The following POM121C variants were observed in gnomAD, a reference collection of about 807,000 sequenced individuals.
POM121C encodes nuclear envelope pore membrane protein POM 121C.
In POM121C, 20 loss-of-function variants were observed where a neutral mutation model predicts 66.4. The observed-to-expected ratio is 0.30, with a 90% CI of 0.21 to 0.44. The LOEUF is 0.44. POM121C is among the 20% of genes least tolerant of loss of function. The pLI, the probability that POM121C is intolerant of heterozygous loss-of-function variation, is 1.00. For synonymous variants in POM121C, 286 were observed against 528.0 expected (o/e 0.54, Z 6.28); for missense variants, 580 against 1,225.7 (o/e 0.47, Z 7.87).
chr7:75,417,189 G>A lies in POM121C; in HGVS notation c.*1607C>T. 1.0e-6 allele frequency: 1 copy of A among 970,652 alleles called. No individual in the cohort carries two copies. Among genetic ancestry groups the A allele is most frequent in the Non-Finnish European group, 1.2e-6 (1 of 813,036 alleles). 60.1% of individuals were successfully genotyped at this position (970,652 alleles called of 1,614,324 possible). A position where few individuals can be genotyped will look rare whatever the true frequency, so the allele number is the denominator to read the frequency against. ...CGCCCTCAGTCACAACGGGGAGGGG[G>A]CACCGGTTACATCTACATCACATTA... On this transcript the variant is annotated 3_prime_UTR_variant, in exon 15 of 15. Coordinates refer to ENST00000615331, the MANE Select transcript of POM121C (RefSeq NM_001099415.3).
At chr7:75,443,938 C>CAAAAAAAAA (rs1186150939) in intron 3 of POM121C, among the ~76,000 whole-genome samples, 2 of 30,156 alleles carry the variant, frequency 6.6e-5, no homozygotes, top group Non-Finnish European at 1.5e-4. Flanking sequence ...GAGTCCATCT[C>CAAAAAAAAA]AAAAAAAAAA....
Position 75,437,555 on chromosome 7 carries a change from G to A in POM121C, c.440C>T (p.Ala147Val). The A allele has an allele frequency of 6.2e-7, 1 of 1,613,946 alleles. No homozygotes were observed. Among genetic ancestry groups the A allele is most frequent in the Non-Finnish European group, 8.5e-7 (1 of 1,179,842 alleles). ...AGTGGAGCTGTAGGAACTGGTAATG[G>A]CATTGCGGCTGGAGCTAGGGATGCC... is the stretch of plus-strand genomic sequence containing the variant. The part of the protein sequence containing the change: ...TSGIPSSSRN[A>V]ITSSYSSTRG... Residue 147 changes from alanine (A) to valine (V), a missense_variant, in exon 7 of 15, where the codon GCC (alanine) becomes GTC (valine). Physicochemically the swap from Ala to Val is moderately conservative, Grantham distance 64 (BLOSUM62 0). Coordinates refer to ENST00000615331, the MANE Select transcript of POM121C (RefSeq NM_001099415.3).
intron 7 of POM121C, among the ~76,000 whole-genome samples, chr7:75,434,976 G>A (rs1554472901): frequency 6.6e-6 from 1 of 152,164 alleles, no homozygotes; most frequent in East Asian, 1.9e-4. Flanking sequence ...ATTCAATACT[G>A]AGGGGAATGC....
intron 5 of POM121C, 85 bp downstream of exon 5, chr7:75,440,869 C>T (rs1431829755): frequency 7.3e-5 from 118 of 1,609,514 alleles, no homozygotes; most frequent in Non-Finnish European, 9.2e-5. Flanking sequence ...TGGACGTGGC[C>T]TCTGTATCTT....
At position 75,437,770 on chromosome 7, in the gene POM121C, A is replaced by G. The variant is rs1584668800; in HGVS notation, c.309-84T>C. ...ATCCACGGTCATGACATCTTTCTTA[A>G]TAACATGAAGGGAAGAGAATAATGC... On this transcript the variant is annotated intron_variant, in intron 6 of 14. Coordinates refer to ENST00000615331, the MANE Select transcript of POM121C (RefSeq NM_001099415.3). The G allele has an allele frequency of 1.8e-5, 27 of 1,482,624 alleles. No individual in the cohort carries two copies. In the East Asian group the frequency reaches 4.4e-4, roughly 24 times the overall value. 91.8% of individuals were successfully genotyped at this position (1,482,624 alleles called of 1,614,324 possible).
chr7:75,421,500 C>T lies in POM121C; in HGVS notation c.2743+9G>A, dbSNP rs1554470612. The T allele has an allele frequency of 7.4e-6, 12 of 1,611,126 alleles. No homozygotes were observed. The highest frequency in any genetic ancestry group is 1.0e-5 in the Non-Finnish European group (12 of 1,179,654). ...CGGCCCGGTAGCCCAAGTCCACGCCCCTCCTTACCTCCAAACACAGGTTTG... is the reference window on the plus strand; with the variant it reads ...CGGCCCGGTAGCCCAAGTCCACGCCTCTCCTTACCTCCAAACACAGGTTTG... On this transcript the variant is annotated intron_variant, in intron 13 of 14. Coordinates refer to ENST00000615331, the MANE Select transcript of POM121C (RefSeq NM_001099415.3).
chr7:75,447,282 A>C (rs1249154269), intron 3 of POM121C, among the ~76,000 whole-genome samples: 8 of 151,954 alleles, frequency 5.3e-5, no homozygotes, highest in East Asian at 1.9e-4. Context: ...AATAATGGCC[A>C]AAAATTTTCC....
intron 1 of POM121C, among the ~76,000 whole-genome samples, chr7:75,475,551 C>A (rs1204404815): frequency 3.3e-5 from 5 of 150,354 alleles, no homozygotes; most frequent in Admixed American, 3.3e-4. Context: ...TGCTGCCAGG[C>A]CCTCCCCTTC....
At chr7:75,481,246 C>G (rs1380618922) in intron 1 of POM121C, among the ~76,000 whole-genome samples, 2 of 150,570 alleles carry the variant, frequency 1.3e-5, no homozygotes, top group African/African-American at 4.9e-5. Flanking sequence ...TATATATTTG[C>G]TATCAAACAT....
At chr7:75,449,910 A>G (rs1298796549) in intron 3 of POM121C, among the ~76,000 whole-genome samples, 5 of 151,752 alleles carry the variant, frequency 3.3e-5, no homozygotes, top group African/African-American at 9.7e-5. Flanking sequence ...AGCTATTAGG[A>G]AGGCTGAGGC....
intron 6 of POM121C, among the ~76,000 whole-genome samples, chr7:75,438,316 C>A (rs782498297): frequency 6.6e-6 from 1 of 152,172 alleles, no homozygotes; most frequent in African/African-American, 2.4e-5. Context: ...CTTTCACCCA[C>A]GGATCCTATT....
intron 3 of POM121C, among the ~76,000 whole-genome samples, chr7:75,463,419 A>G (rs1269516384): frequency 6.6e-6 from 1 of 151,632 alleles, no homozygotes; most frequent in Admixed American, 6.6e-5. Context: ...CACAGTGGCA[A>G]TCCACAAAGA....
At position 75,473,009 on chromosome 7, in the gene POM121C, C is replaced by T. The variant is rs587768137; in HGVS notation, c.-152+1695G>A. The stretch of plus-strand genomic sequence containing the variant: ...TGTCAAAAGAAACAGAATGTGCTGA[C>T]GATCTGCAAGGCATTTCACAGAAGA... On this transcript the variant is annotated intron_variant, in intron 3 of 14. Coordinates refer to ENST00000615331, the MANE Select transcript of POM121C (RefSeq NM_001099415.3). 2.0e-5 allele frequency among the ~76,000 whole-genome samples: 3 copies of T among 152,258 alleles called. No homozygotes were observed. In the East Asian group the frequency reaches 5.8e-4, roughly 29 times the overall value.
chr7:75,430,335 G>GA (rs1205476512), intron 7 of POM121C, among the ~76,000 whole-genome samples: 1 of 152,122 alleles, frequency 6.6e-6, no homozygotes, highest in Admixed American at 6.6e-5. Context: ...TGGAACAAAA[G>GA]AAAGTCTAGA....
chr7:75,441,770 A>T lies in POM121C; in HGVS notation c.-151-123T>A, dbSNP rs1484628702. 9.4e-6 allele frequency: 9 copies of T among 953,730 alleles called. 1 individual carries two copies. Among genetic ancestry groups the T allele is most frequent in the Middle Eastern group, 2.2e-4 (1 of 4,542 alleles). 59.1% of individuals were successfully genotyped at this position (953,730 alleles called of 1,614,324 possible). ...ACTTAAATCTCTTTCTACGCAACAC[A>T]GAACACGTTGTTTTTATGGCAACTT... On this transcript the variant is annotated intron_variant, in intron 3 of 14. Coordinates refer to ENST00000615331, the MANE Select transcript of POM121C (RefSeq NM_001099415.3).
At chr7:75,451,122 C>T (rs1169794775) in intron 3 of POM121C, among the ~76,000 whole-genome samples, 1 of 152,130 alleles carries the variant, frequency 6.6e-6, no homozygotes, top group Non-Finnish European at 1.5e-5. Flanking sequence ...TTTACAGATT[C>T]AATGCTATTC....
chr7:75,436,900 C>A (rs1554473076), intron 7 of POM121C, among the ~76,000 whole-genome samples: 1 of 152,078 alleles, frequency 6.6e-6, no homozygotes, highest in Non-Finnish European at 1.5e-5. Context: ...GGATTACAGG[C>A]ATGAGCCATC....
chr7:75,426,797 C>CAAAAAAA (rs543569250), intron 7 of POM121C, among the ~76,000 whole-genome samples: 33 of 60,998 alleles, frequency 5.4e-4, no homozygotes, highest in East Asian at 8.2e-4. Context: ...GACCCTGTCT[C>CAAAAAAA]AAAAAAAAAA....
intron 5 of POM121C, among the ~76,000 whole-genome samples, chr7:75,440,277 G>C (rs1790583811): frequency 6.6e-6 from 1 of 151,722 alleles, no homozygotes; most frequent in South Asian, 2.1e-4. Flanking sequence ...TAAGACACTA[G>C]AACTGGTGGG....
Sources: gnomAD v4.1 joint callset for allele counts (sites outside exome capture counted in the v4.1 genomes callset) on GRCh38, gnomAD v4.1.1 for gene constraint, MANE v1.5 for transcripts, NCBI Gene and HGNC (gene_info 2026-07-23, HGNC 2026-07-21) for gene names.